The following VWC2 variants were observed in gnomAD, a reference collection of about 807,000 sequenced individuals.
VWC2 encodes brorin.
Under a neutral mutation model 29.8 loss-of-function variants are expected in VWC2, and 14 were observed. The ratio of observed to expected loss-of-function variants is 0.47; its 90% CI spans 0.31 to 0.74. VWC2 has a LOEUF of 0.74. Among genes scored for constraint, VWC2 ranks in the 30% least tolerant of loss-of-function variants. The probability of loss-of-function intolerance (pLI) is 0.05; values close to 1 mark genes in which losing one functional copy is unlikely to be tolerated. For missense variants in VWC2, 457 were observed against 459.8 expected, an observed-to-expected ratio of 0.99 and a Z score of 0.05; for synonymous variants, 213 against 199.0, an observed-to-expected ratio of 1.07 and a Z score of -0.59.
At chr7:49,857,472 A>T (rs759345200) in intron 3 of VWC2, among the ~76,000 whole-genome samples, 8 of 152,188 alleles carry the variant, frequency 5.3e-5, no homozygotes, top group East Asian at 3.8e-4. Context: ...AGGTATTGTG[A>T]ATAGTGCTGC....
chr7:49,813,119 GTTC>G (rs1257504513), intron 3 of VWC2, among the ~76,000 whole-genome samples: 3 of 152,168 alleles, frequency 2.0e-5, no homozygotes, highest in East Asian at 1.9e-4. Flanking sequence ...TTCAAGCAGT[GTTC>G]TTCTCCGTGT....
At chr7:49,910,793 A>G (rs991844624) in intron 3 of VWC2, among the ~76,000 whole-genome samples, 2 of 152,172 alleles carry the variant, frequency 1.3e-5, no homozygotes, top group Non-Finnish European at 2.9e-5. Context: ...GACTCCTGCA[A>G]CACACTAAGA....
At chr7:49,869,660 A>C (rs1313038282) in intron 3 of VWC2, among the ~76,000 whole-genome samples, 7 of 152,190 alleles carry the variant, frequency 4.6e-5, no homozygotes, top group Admixed American at 1.3e-4. Flanking sequence ...AAAATTAAGA[A>C]ACCTGCCAAT....
At chr7:49,879,608 C>T (rs137857780) in intron 3 of VWC2, among the ~76,000 whole-genome samples, 9 of 152,258 alleles carry the variant, frequency 5.9e-5, no homozygotes, top group Non-Finnish European at 1.2e-4. Flanking sequence ...ACCCAAAGCT[C>T]GTGGCATTCA....
chr7:49,843,360 G>A (rs899826103), intron 3 of VWC2, among the ~76,000 whole-genome samples: 3 of 152,126 alleles, frequency 2.0e-5, no homozygotes, highest in South Asian at 2.1e-4. Context: ...TCTCCCAAGC[G>A]AAGAGGAGAC....
chr7:49,843,063 T>C (rs935367618), intron 3 of VWC2, among the ~76,000 whole-genome samples: 1 of 152,150 alleles, frequency 6.6e-6, no homozygotes, highest in Non-Finnish European at 1.5e-5. Flanking sequence ...CCCGAGTCGC[T>C]GCATTGCCCT....
Position 49,864,249 on chromosome 7 carries a change from A to G in VWC2, c.827-47785A>G, listed in dbSNP as rs759729472. ...AATATCAAGGGAAAGAGAGGAAGAC[A>G]GAGAAAGAAGACAAAGAAGGAGGGA... On this transcript the variant is annotated intron_variant, in intron 3 of 3. Coordinates refer to ENST00000340652, the MANE Select transcript of VWC2 (RefSeq NM_198570.5). 1.3e-4 allele frequency among the ~76,000 whole-genome samples: 20 copies of G among 152,014 alleles called. 1 individual carries two copies. The highest frequency in any genetic ancestry group is 2.2e-4 in the Non-Finnish European group (15 of 68,032).
rs570820457 is a variant in VWC2 at position 49,775,522 on chromosome 7, G to A, written c.87G>A (p.Pro29=). The change falls in exon 2 of 4, where the codon CCG becomes CCA. Residue 29 remains proline, a synonymous_variant. Transcript: ENST00000340652. The stretch of plus-strand genomic sequence containing the variant: ...GCCTGATGGTGGCTCTGTGCAGTCC[G>A]AGCATCCCGCTGGAGAAGCTGGCCC... The part of the protein sequence containing the change: ...TCCLMVALCS[P]SIPLEKLAQA... The A allele has an allele frequency of 2.4e-5, 38 of 1,576,558 alleles. 1 individual carries two copies. The South Asian group carries it at 3.7e-4, about 16-fold the overall frequency.
intron 3 of VWC2, among the ~76,000 whole-genome samples, chr7:49,886,458 TTAAC>T (rs1438410586): frequency 3.9e-5 from 6 of 152,242 alleles, no homozygotes; most frequent in African/African-American, 1.2e-4. Flanking sequence ...GGATTTTTCT[TTAAC>T]TATTTCATTG....
At chr7:49,830,488 T>C (rs1330912391) in intron 3 of VWC2, among the ~76,000 whole-genome samples, 2 of 152,224 alleles carry the variant, frequency 1.3e-5, no homozygotes, top group East Asian at 3.8e-4. Context: ...CCTGGGCTAG[T>C]TTTATTTAAC....
chr7:49,875,382 A>AAAAC, intron 3 of VWC2, among the ~76,000 whole-genome samples: 1 of 149,324 alleles, frequency 6.7e-6, no homozygotes, highest in Non-Finnish European at 1.5e-5. Flanking sequence ...AAAAAAAAAA[A>AAAAC]AAAAAAAAAA....
chr7:49,780,451 C>A (rs922430539), intron 2 of VWC2, among the ~76,000 whole-genome samples: 1 of 152,112 alleles, frequency 6.6e-6, no homozygotes, highest in Non-Finnish European at 1.5e-5. Flanking sequence ...TTTTGCTCAA[C>A]AAAACAAGTT....
intron 3 of VWC2, among the ~76,000 whole-genome samples, chr7:49,889,133 T>C (rs895581142): frequency 6.6e-6 from 1 of 152,184 alleles, no homozygotes; most frequent in African/African-American, 2.4e-5. Flanking sequence ...ACATTACAAA[T>C]GATTATTCCC....
chr7:49,911,982 A>G (rs1793479710), intron 3 of VWC2, 52 bp from the exon 4 acceptor site: 3 of 1,438,320 alleles, frequency 2.1e-6, no homozygotes, highest in South Asian at 2.9e-5. Context: ...CTAATTATAT[A>G]TATTATATAT....
chr7:49,795,136 G>A (rs1788558566), intron 2 of VWC2, among the ~76,000 whole-genome samples: 2 of 152,198 alleles, frequency 1.3e-5, no homozygotes, highest in South Asian at 4.1e-4. Context: ...GGATGGCTGG[G>A]TTGTTGATAC....
At chr7:49,883,034 T>C (rs1338125401) in intron 3 of VWC2, among the ~76,000 whole-genome samples, 1 of 152,060 alleles carries the variant, frequency 6.6e-6, no homozygotes, top group Non-Finnish European at 1.5e-5. Flanking sequence ...ACATTCCCTC[T>C]TCCTCCCTGA....
chr7:49,775,614 A>G lies in VWC2; in HGVS notation c.179A>G (p.Asn60Ser), dbSNP rs1788033686. The G allele has an allele frequency of 1.3e-6, 2 of 1,531,040 alleles. No homozygotes were observed. The highest frequency in any genetic ancestry group is 1.8e-6 in the Non-Finnish European group (2 of 1,141,626). 94.8% of individuals were successfully genotyped at this position (1,531,040 alleles called of 1,614,324 possible). ...TCTCGGGACGGCCCGGGGCGGGTGAACGAGCTCGGGCGCCCGGCGAGGGAC... is the reference window on the plus strand; with the variant it reads ...TCTCGGGACGGCCCGGGGCGGGTGAGCGAGCTCGGGCGCCCGGCGAGGGAC... ...HASRDGPGRV[N>S]ELGRPARDEG... The change falls in exon 2 of 4, where the codon AAC (asparagine) becomes AGC (serine). Residue 60 changes from asparagine to serine, a missense_variant. Around this residue, in one of 2 missense-constraint regions of VWC2, gnomAD observed 272 missense variants for 202.7 expected, o/e 1.34. Transcript: ENST00000340652.
chr7:49,909,822 G>C (rs1793307551), intron 3 of VWC2, among the ~76,000 whole-genome samples: 1 of 152,144 alleles, frequency 6.6e-6, no homozygotes, highest in Non-Finnish European at 1.5e-5. Flanking sequence ...GAAAGTCCAG[G>C]GCTGGGTGCG....
rs1301240452 is a variant in VWC2, at chr7:49,918,678, T to A, written c.*6493T>A. 6.6e-6 allele frequency: 1 copy of A among 152,234 alleles called. No individual in the cohort carries two copies. The highest frequency in any genetic ancestry group is 2.4e-5 in the African/African-American group (1 of 41,470). The allele number at this position is 152,234 out of a possible 1,614,324, so 9.4% of individuals were successfully genotyped here. ...TAGGTGATGATTATAGGGCAAACAC[T>A]ACAATTTCAAATTTCATATTCTTTT... is the stretch of plus-strand genomic sequence containing the variant. On this transcript the variant is annotated 3_prime_UTR_variant, in exon 4 of 4. Coordinates refer to ENST00000340652, the MANE Select transcript of VWC2 (RefSeq NM_198570.5).
Sources: gnomAD v4.1 joint callset for allele counts (sites outside exome capture counted in the v4.1 genomes callset) on GRCh38, gnomAD v4.1.1 for gene constraint, gnomAD v4.1.1 regional missense constraint, MANE v1.5 for transcripts, NCBI Gene and HGNC (gene_info 2026-07-23, HGNC 2026-07-21) for gene names.